Variants in DNAH8 observed in about 807,000 individuals in gnomAD.
DNAH8 encodes axonemal beta dynein heavy chain 8.
A neutral mutation model predicts 562.1 loss-of-function variants in DNAH8; 382 were observed. The observed-to-expected ratio is 0.68, with a 90% CI of 0.63 to 0.74. The LOEUF is 0.74. Ranked by LOEUF, DNAH8 falls within the 30% of genes least tolerant of loss-of-function variation. DNAH8 has a pLI of 0.00. For synonymous variants in DNAH8, 1,881 were observed against 1,919.4 expected (o/e 0.98, Z 0.52); for missense variants, 5,203 against 5,620.4 (o/e 0.93, Z 2.37).
chr6:38,901,419 C>T (rs928162025), intron 62 of DNAH8, among the ~76,000 whole-genome samples: 4 of 151,956 alleles, frequency 2.6e-5, no homozygotes, highest in Non-Finnish European at 2.9e-5. Context: ...CCAGTTGATC[C>T]AGCTCCATTT....
rs535834724 is a variant in DNAH8, at chr6:38,876,008, A to G, written c.7858+180A>G. Among the ~76,000 whole-genome samples the G allele has an allele frequency of 2.6e-5, 4 of 152,366 alleles. No individual in the cohort carries two copies. In the South Asian group the frequency reaches 8.3e-4, roughly 32 times the overall value. ...GAATTTTGCATATGAATTGTGCCCG[A>G]AACTGATATTGAGACTCTTGACTTC... On this transcript the variant is annotated intron_variant, in intron 53 of 92. Transcript: ENST00000327475.
chr6:38,798,981 A>G lies in DNAH8; in HGVS notation c.2902-4198A>G, dbSNP rs183516918. On this transcript the variant is annotated intron_variant, in intron 21 of 92. Coordinates refer to ENST00000327475, the MANE Select transcript of DNAH8 (RefSeq NM_001206927.2). ...AGCAAGGAGGGAATGGGAAAGAAAT[A>G]CCCCACCTTCTCTCTCCTATAGCTC... Among the ~76,000 whole-genome samples, 1,364 of 152,046 alleles carry G rather than the reference A, an allele frequency of 9.0e-3. 9 individuals are homozygous for G. Among genetic ancestry groups the G allele is most frequent in the South Asian group, 0.026 (124 of 4,788 alleles).
At chr6:38,851,551 T>TACG (rs1178415864) in intron 38 of DNAH8, 21 bp from the exon 39 acceptor site, 3 of 1,500,678 alleles carry the variant, frequency 2.0e-6, no homozygotes, top group Non-Finnish European at 9.2e-7. Context: ...CTTGGTAACA[T>TACG]ACTGTCGACT....
rs145282233 is a variant in DNAH8, at chr6:39,017,722, C to G, written c.13714+5085C>G. 4.6e-3 allele frequency among the ~76,000 whole-genome samples: 700 copies of G among 152,264 alleles called. 6 individuals are homozygous for G. Among genetic ancestry groups the G allele is most frequent in the African/African-American group, 0.015 (641 of 41,556 alleles). On this transcript the variant is annotated intron_variant, in intron 91 of 92. Transcript: ENST00000327475. Reference sequence around the variant, plus strand: ...TGACAACTTCTTCCGTAATGCAAATCAAGATTTTTCAGTTAGAGGCAATCC... The same window carrying G: ...TGACAACTTCTTCCGTAATGCAAATGAAGATTTTTCAGTTAGAGGCAATCC...
chr6:38,856,043 TCACTAA>T (rs1563008295), intron 41 of DNAH8, among the ~76,000 whole-genome samples: 1 of 152,204 alleles, frequency 6.6e-6, no homozygotes, highest in African/African-American at 2.4e-5. Context: ...CTGGTATAGA[TCACTAA>T]CACTTAGTCC....
At chr6:38,839,771 G>C (rs956018424) in intron 33 of DNAH8, among the ~76,000 whole-genome samples, 1 of 151,612 alleles carries the variant, frequency 6.6e-6, no homozygotes, top group Admixed American at 6.6e-5. Context: ...CAAGTGATTC[G>C]CCTGCCTCGG....
rs117337465 is a variant in DNAH8 at position 38,858,338 on chromosome 6, A to C, written c.5958+596A>C. On this transcript the variant is annotated intron_variant, in intron 42 of 92. Coordinates refer to ENST00000327475, the MANE Select transcript of DNAH8 (RefSeq NM_001206927.2). ...AGTCTACTTGATTTGATACATTTTA[A>C]AGGTATCTCTTTCCTTCATCAGAGA... is the stretch of plus-strand genomic sequence containing the variant. Among the ~76,000 whole-genome samples the C allele has an allele frequency of 1.6e-4, 24 of 152,276 alleles. 1 individual carries two copies. The East Asian group carries it at 4.6e-3, about 29-fold the overall frequency.
At chr6:38,857,433 A>G in intron 41 of DNAH8, 85 bp from the exon 42 acceptor site, 1 of 833,920 alleles carries the variant, frequency 1.2e-6, no homozygotes, top group Admixed American at 2.5e-5. Flanking sequence ...TTTAGTTTAA[A>G]ATGTGAATAA....
At chr6:38,867,764 A>C (rs573989994) in intron 47 of DNAH8, among the ~76,000 whole-genome samples, 22 of 151,498 alleles carry the variant, frequency 1.5e-4, no homozygotes, top group African/African-American at 2.4e-4. Context: ...AAAAAAAAAA[A>C]AAAAAAAACA....
chr6:39,014,710 G>A (rs558632838), intron 91 of DNAH8, among the ~76,000 whole-genome samples: 2 of 152,316 alleles, frequency 1.3e-5, no homozygotes, highest in African/African-American at 4.8e-5. Flanking sequence ...CCAGGTAGAG[G>A]CCTGAGCAAA....
chr6:38,913,327 G>A (rs1028939418), intron 66 of DNAH8, among the ~76,000 whole-genome samples: 2 of 152,156 alleles, frequency 1.3e-5, no homozygotes, highest in Non-Finnish European at 2.9e-5. Flanking sequence ...CCTAGAACCC[G>A]TTGGAATGTG....
chr6:38,847,372 AT>A lies in DNAH8; in HGVS notation c.5046-1275del, dbSNP rs1424784964. ...CTATCTAGTTGCTTCATCTCCCTAA[AT>A]GCCTGCCCATGCCATGTTGGTTTAC... On this transcript the variant is annotated intron_variant, in intron 36 of 92. Transcript: ENST00000327475. 8.6e-5 allele frequency among the ~76,000 whole-genome samples: 13 copies of A among 151,674 alleles called. No individual in the cohort carries two copies. In the East Asian group the frequency reaches 2.5e-3, roughly 29 times the overall value.
chr6:38,923,156 A>G lies in DNAH8; in HGVS notation c.10761A>G (p.Gln3587=). The G allele has an allele frequency of 6.2e-7, 1 of 1,613,760 alleles. No individual in the cohort carries two copies. Among genetic ancestry groups the G allele is most frequent in the Non-Finnish European group, 8.5e-7 (1 of 1,179,794 alleles). Residue 3587 remains glutamine (Q), a synonymous_variant, in exon 72 of 93, where the codon CAA becomes CAG. Transcript: ENST00000327475. The stretch of plus-strand genomic sequence containing the variant: ...GAGAAAAAATCCGGTGGACCCAGCA[A>G]AGTAAAGAATTCAAAGCTCAGATTA... ...LSGEKIRWTQ[Q]SKEFKAQINR...
chr6:38,964,534 C>T (rs1160703538), intron 82 of DNAH8, among the ~76,000 whole-genome samples: 1 of 151,102 alleles, frequency 6.6e-6, no homozygotes, highest in Non-Finnish European at 1.5e-5. Flanking sequence ...ATGAATTCCT[C>T]CTAAGAACAT....
intron 88 of DNAH8, among the ~76,000 whole-genome samples, chr6:39,001,657 A>ATTCTTT (rs1765492395): frequency 6.6e-6 from 1 of 152,208 alleles, no homozygotes; most frequent in African/African-American, 2.4e-5. Flanking sequence ...CAAGAGCAGA[A>ATTCTTT]GCTGGAGATA....
intron 91 of DNAH8, among the ~76,000 whole-genome samples, chr6:39,022,233 C>T (rs568732762): frequency 1.6e-4 from 24 of 151,822 alleles, no homozygotes; most frequent in African/African-American, 5.3e-4. Flanking sequence ...TTTTTCTTCT[C>T]TTTATAAAGT....
chr6:38,871,712 C>T (rs1164920577), intron 49 of DNAH8, among the ~76,000 whole-genome samples: 1 of 152,104 alleles, frequency 6.6e-6, no homozygotes, highest in South Asian at 2.1e-4. Flanking sequence ...ATCTCTTGTA[C>T]CATTTCCACG....
In DNAH8 at chr6:38,926,189, G is replaced by A; in HGVS notation, c.11097G>A (p.Lys3699=). The A allele has an allele frequency of 6.2e-7, 1 of 1,613,194 alleles. No individual in the cohort carries two copies. Among genetic ancestry groups the A allele is most frequent in the South Asian group, 1.1e-5 (1 of 90,940 alleles). Reference sequence around the variant, plus strand: ...AAGGCAAAACTTGGATTAAATCAAAGGAAAAAGAAAATGATTTACAGGTAT... The same window carrying A: ...AAGGCAAAACTTGGATTAAATCAAAAGAAAAAGAAAATGATTTACAGGTAT... ...QTQGKTWIKS[K]EKENDLQVTS... is the part of the protein sequence containing the mutation. The change falls in exon 74 of 93, where the codon AAG becomes AAA. Residue 3699 remains lysine (K), a synonymous_variant. Transcript: ENST00000327475.
rs951114259 is a variant in DNAH8, at chr6:38,870,467, A to G, written c.6895A>G (p.Ser2299Gly). The change falls in exon 49 of 93, where the codon AGT (serine) becomes GGT (glycine). Residue 2299 changes from serine to glycine, a missense_variant. Physicochemically the swap from Ser to Gly is moderately conservative, Grantham distance 56 (BLOSUM62 0). Coordinates refer to ENST00000327475, the MANE Select transcript of DNAH8 (RefSeq NM_001206927.2). ...NDLFPGLQLD[S>G]NTYAELQNAV... is the part of the protein sequence containing the mutation. ...CCTGTTCCCAGGACTGCAACTGGATAGTAATACTTATGCAGAACTGCAAAA... is the reference window on the plus strand; with the variant it reads ...CCTGTTCCCAGGACTGCAACTGGATGGTAATACTTATGCAGAACTGCAAAA... 2 of 1,614,108 alleles carry G rather than the reference A, an allele frequency of 1.2e-6. No homozygotes were observed. Among genetic ancestry groups the G allele is most frequent in the Non-Finnish European group, 1.7e-6 (2 of 1,179,960 alleles).
Sources: allele counts gnomAD v4.1 joint callset (sites outside exome capture counted in the v4.1 genomes callset), GRCh38; gene constraint gnomAD v4.1.1; transcripts MANE v1.5; gene names NCBI Gene and HGNC (gene_info 2026-07-23, HGNC 2026-07-21).